ANO3: variants seen among roughly 807,000 people sequenced by gnomAD.
ANO3 encodes the protein anoctamin-3.
ANO3 carries 99 observed loss-of-function variants against 144.8 expected under a neutral mutation model. The ratio of observed to expected loss-of-function variants is 0.68; its 90% CI spans 0.58 to 0.81. The LOEUF (loss-of-function observed/expected upper bound fraction) is 0.81. ANO3 is among the 30% of genes least tolerant of loss of function. The pLI is 0.00. For missense variants in ANO3, 905 were observed against 1,202.2 expected (o/e 0.75, Z 3.66); for synonymous variants, 414 against 392.6 (o/e 1.05, Z -0.64).
intron 14 of ANO3, among the ~76,000 whole-genome samples, chr11:26,585,902 G>A (rs1419306033): frequency 5.9e-5 from 9 of 152,160 alleles, no homozygotes; most frequent in Non-Finnish European, 1.3e-4. Context: ...ACTGTTAAGA[G>A]AATGGGTGTT....
At chr11:26,515,432 G>T (rs1475271446) in intron 5 of ANO3, among the ~76,000 whole-genome samples, 1 of 151,718 alleles carries the variant, frequency 6.6e-6, no homozygotes, top group Non-Finnish European at 1.5e-5. Flanking sequence ...GCCCCCACTT[G>T]TTTGCTTCTA....
intron 1 of ANO3, among the ~76,000 whole-genome samples, chr11:26,266,834 C>G (rs1853320019): frequency 6.6e-6 from 1 of 151,388 alleles, no homozygotes; most frequent in South Asian, 2.1e-4. Flanking sequence ...GTAATCCCAG[C>G]ACTTTGGGAG....
chr11:26,599,484 C>A, intron 16 of ANO3, 66 bp from the exon 17 acceptor site: 1 of 1,491,584 alleles, frequency 6.7e-7, no homozygotes, highest in Non-Finnish European at 9.2e-7. Context: ...ATTTGATCTA[C>A]GGTTTTGCTT....
At chr11:26,231,110 T>C (rs4312024) in intron 1 of ANO3, among the ~76,000 whole-genome samples, 48,677 of 151,662 alleles carry the variant, frequency 0.32, 8,555 homozygotes, top group Non-Finnish European at 0.38. Context: ...AACTCCTTAC[T>C]TCATGATCCA....
intron 14 of ANO3, among the ~76,000 whole-genome samples, chr11:26,594,340 A>T (rs1357861953): frequency 6.6e-6 from 1 of 152,116 alleles, no homozygotes; most frequent in Non-Finnish European, 1.5e-5. Flanking sequence ...GACGCCAGAG[A>T]TCACCAAACT....
rs1329012847 is a variant in ANO3 at position 26,356,769 on chromosome 11, G to C, written c.46+24448G>C. Among the ~76,000 whole-genome samples the C allele has an allele frequency of 2.0e-5, 3 of 152,132 alleles. No homozygotes were observed. In the South Asian group the frequency reaches 6.2e-4, roughly 31 times the overall value. The stretch of plus-strand genomic sequence containing the variant: ...GCTGGTTCTTTCTGGAGGCTCTAAG[G>C]GGAGAATCCATTTTCCTGCCTTTTT... On this transcript the variant is annotated intron_variant, in intron 1 of 26. Coordinates refer to ENST00000256737, the MANE Select transcript of ANO3 (RefSeq NM_031418.4).
intron 4 of ANO3, among the ~76,000 whole-genome samples, chr11:26,463,980 A>G (rs371300484): frequency 2.2e-3 from 331 of 151,946 alleles, no homozygotes; most frequent in African/African-American, 7.6e-3. Flanking sequence ...GCAGTTTAAC[A>G]CAAGGAATGA....
chr11:26,643,482 G>C lies in ANO3; in HGVS notation c.2428+148G>C, dbSNP rs916667973. ...TAAGAAGTGATTAAGCTGGCCGGGC[G>C]TGGTGGCTCACTCCTGTAATCCCAG... On this transcript the variant is annotated intron_variant, in intron 23 of 26. Transcript: ENST00000256737. 1.5e-5 allele frequency: 15 copies of C among 997,186 alleles called. No homozygotes were observed. In the East Asian group the frequency reaches 2.5e-4, roughly 16 times the overall value. 61.8% of individuals were successfully genotyped at this position (997,186 alleles called of 1,614,324 possible).
upstream of ANO3, among the ~76,000 whole-genome samples, chr11:26,329,327 CAGAGAGAGAG>C (rs10573538): frequency 9.1e-6 from 1 of 110,374 alleles, no homozygotes; most frequent in South Asian, 3.0e-4. Flanking sequence ...CACACACACA[CAGAGAGAGAG>C]AGAGAGAGAG....
chr11:26,269,362 C>A (rs1853387926), intron 1 of ANO3, among the ~76,000 whole-genome samples: 1 of 152,182 alleles, frequency 6.6e-6, no homozygotes, highest in Admixed American at 6.5e-5. Flanking sequence ...GTTTTCTTCA[C>A]TCTTAGTGCC....
intron 1 of ANO3, among the ~76,000 whole-genome samples, chr11:26,441,123 T>TTTTTTTG (rs1565026424): frequency 1.8e-4 from 22 of 123,638 alleles, no homozygotes; most frequent in Non-Finnish European, 3.2e-4. Context: ...TTTTTTTTTT[T>TTTTTTTG]TTTTTTTTTT....
intron 11 of ANO3, among the ~76,000 whole-genome samples, chr11:26,547,121 G>A (rs185320859): frequency 1.3e-5 from 2 of 151,904 alleles, no homozygotes; most frequent in Admixed American, 6.6e-5. Flanking sequence ...AAAATGAAAA[G>A]GGATGCTAGT....
chr11:26,236,817 CAA>C (rs55979503), intron 1 of ANO3, among the ~76,000 whole-genome samples: 28,077 of 84,922 alleles, frequency 0.33, 1,512 homozygotes, highest in Non-Finnish European at 0.36. Flanking sequence ...GACTCCGTCT[CAA>C]AAAAAAAAAA....
intron 8 of ANO3, among the ~76,000 whole-genome samples, chr11:26,534,015 TA>T (rs1350732867): frequency 6.6e-6 from 1 of 152,190 alleles, no homozygotes; most frequent in Non-Finnish European, 1.5e-5. Flanking sequence ...TCTTCATTGC[TA>T]CTCTTCCCAT....
intron 1 of ANO3, among the ~76,000 whole-genome samples, chr11:26,340,217 A>T (rs796151398): frequency 6.6e-6 from 1 of 152,220 alleles, no homozygotes; most frequent in Non-Finnish European, 1.5e-5. Flanking sequence ...GTCAAATGCT[A>T]TTACTTTCAG....
intron 1 of ANO3, among the ~76,000 whole-genome samples, chr11:26,427,617 A>G (rs947038158): frequency 1.2e-4 from 18 of 152,172 alleles, no homozygotes; most frequent in Admixed American, 3.3e-4. Flanking sequence ...TACTGCCAAA[A>G]CCAGTGACTA....
intron 24 of ANO3, among the ~76,000 whole-genome samples, chr11:26,654,155 TTACATA>T (rs1853614651): frequency 6.6e-6 from 1 of 152,190 alleles, no homozygotes; most frequent in African/African-American, 2.4e-5. Context: ...TTCTTTACAT[TTACATA>T]TAAACTTTAG....
rs1851876091 is a variant in ANO3, at chr11:26,209,021, G to A, written c.154+19691G>A. Among the ~76,000 whole-genome samples the A allele has an allele frequency of 2.0e-5, 3 of 152,180 alleles. No homozygotes were observed. The South Asian group carries it at 6.2e-4, about 32-fold the overall frequency. On this transcript the variant is annotated intron_variant, in intron 1 of 27. Transcript: ENST00000672621. Reference sequence around the variant, plus strand: ...CTCATTTTTTAAAATTATACTTAAAGTTCTGGGTTACATGTGCAGAATGTG... The same window carrying A: ...CTCATTTTTTAAAATTATACTTAAAATTCTGGGTTACATGTGCAGAATGTG...
chr11:26,577,576 A>C (rs1851021865), intron 14 of ANO3, among the ~76,000 whole-genome samples: 1 of 152,092 alleles, frequency 6.6e-6, no homozygotes, highest in Non-Finnish European at 1.5e-5. Flanking sequence ...AAAAAAAAAA[A>C]AAAAGAGAGA....
Sources: allele counts gnomAD v4.1 joint callset (sites outside exome capture counted in the v4.1 genomes callset), GRCh38; gene constraint gnomAD v4.1.1; transcripts MANE v1.5; gene names NCBI Gene and HGNC (gene_info 2026-07-23, HGNC 2026-07-21).